The following RBMS3 variants were observed in gnomAD, a reference collection of about 807,000 sequenced individuals.
The protein encoded by RBMS3 is RNA binding motif single stranded interacting protein 3, also known as RNA-binding motif, single-stranded-interacting protein 3.
Under a neutral mutation model 66.8 loss-of-function variants are expected in RBMS3, and 27 were observed. The observed-to-expected ratio is 0.40, with a 90% CI of 0.30 to 0.56. The LOEUF (loss-of-function observed/expected upper bound fraction) is 0.56, where lower values mean the gene tolerates loss of function less well. RBMS3 is among the 20% of genes least tolerant of loss of function. The pLI, the probability that RBMS3 is intolerant of heterozygous loss-of-function variation, is 0.40. For synonymous variants in RBMS3, 188 were observed against 183.0 expected, an observed-to-expected ratio of 1.03 and a Z score of -0.22; for missense variants, 513 against 549.5, an observed-to-expected ratio of 0.93 and a Z score of 0.66.
chr3:29,382,802 T>C (rs2038825779), intron 1 of RBMS3, among the ~76,000 whole-genome samples: 1 of 152,078 alleles, frequency 6.6e-6, no homozygotes. Flanking sequence ...AGTTTTAATA[T>C]AGAATCCAGA....
chr3:29,408,113 A>C (rs1274493264), intron 1 of RBMS3, among the ~76,000 whole-genome samples: 2 of 151,580 alleles, frequency 1.3e-5, no homozygotes, highest in African/African-American at 4.8e-5. Flanking sequence ...TCTACTAAAA[A>C]TACAAAAAAT....
intron 4 of RBMS3, among the ~76,000 whole-genome samples, chr3:29,691,311 T>G (rs1423534773): frequency 1.3e-5 from 2 of 152,208 alleles, no homozygotes; most frequent in Admixed American, 6.5e-5. Flanking sequence ...ATTGACTAAA[T>G]AATTATGGGT....
chr3:29,594,974 C>T (rs1045787884), intron 4 of RBMS3, among the ~76,000 whole-genome samples: 9 of 152,182 alleles, frequency 5.9e-5, no homozygotes, highest in Non-Finnish European at 1.0e-4. Context: ...AAATTCTCTG[C>T]TTTCCTAGCA....
At chr3:29,982,011 C>T (rs1443424935) in intron 12 of RBMS3, among the ~76,000 whole-genome samples, 2 of 152,174 alleles carry the variant, frequency 1.3e-5, no homozygotes, top group South Asian at 2.1e-4. Flanking sequence ...ACCAGCTCCT[C>T]TTTGTACCTC....
intron 2 of RBMS3, among the ~76,000 whole-genome samples, chr3:29,443,267 G>A (rs374866610): frequency 5.9e-5 from 9 of 151,986 alleles, no homozygotes; most frequent in African/African-American, 9.7e-5. Flanking sequence ...CCAATAGCTC[G>A]TCTGCTTCAG....
At chr3:29,903,126 T>C (rs1328939751) in intron 10 of RBMS3, 1 of 151,888 alleles carries the variant, frequency 6.6e-6, no homozygotes, top group Non-Finnish European at 1.5e-5. Context: ...TGCTTGTAGA[T>C]TTAGAAAAAA....
intron 3 of RBMS3, among the ~76,000 whole-genome samples, chr3:29,524,706 A>C (rs920278467): frequency 6.6e-6 from 1 of 151,838 alleles, no homozygotes; most frequent in Non-Finnish European, 1.5e-5. Context: ...GGCCTCACAA[A>C]GTGCTGGGAT....
chr3:29,416,484 A>C (rs1430779656), intron 1 of RBMS3, among the ~76,000 whole-genome samples: 2 of 152,192 alleles, frequency 1.3e-5, no homozygotes, highest in African/African-American at 4.8e-5. Context: ...TGTAAAAGAA[A>C]TGCATTTTAA....
In RBMS3 at chr3:29,494,102, C is replaced by T. The variant is rs558224554; in HGVS notation, c.307+5603C>T. ...ATTCAATTCTTCATTAGCTGTTACA[C>T]GTACAGCATATTGTGTGTAAGTTAG... On this transcript the variant is annotated intron_variant, in intron 3 of 14. Transcript: ENST00000383767. Among the ~76,000 whole-genome samples the T allele has an allele frequency of 1.3e-4, 20 of 152,244 alleles. No homozygotes were observed. The East Asian group carries it at 1.7e-3, about 13-fold the overall frequency.
At chr3:29,580,550 A>C (rs1377609548) in intron 3 of RBMS3, among the ~76,000 whole-genome samples, 3 of 152,026 alleles carry the variant, frequency 2.0e-5, no homozygotes, top group Non-Finnish European at 4.4e-5. Context: ...ACTCCACTGC[A>C]TTTAAATTTA....
At chr3:29,982,754 T>C (rs1053620178) in intron 12 of RBMS3, among the ~76,000 whole-genome samples, 6 of 152,234 alleles carry the variant, frequency 3.9e-5, no homozygotes, top group Non-Finnish European at 5.9e-5. Context: ...GAGTTCTAAT[T>C]TGATTGCACT....
At chr3:29,599,901 G>A (rs1007669454) in intron 4 of RBMS3, among the ~76,000 whole-genome samples, 1 of 151,560 alleles carries the variant, frequency 6.6e-6, no homozygotes, top group African/African-American at 2.4e-5. Flanking sequence ...CCCAAATCAG[G>A]AAATATACTA....
At chr3:29,793,049 C>T (rs998894709) in intron 6 of RBMS3, among the ~76,000 whole-genome samples, 6 of 151,950 alleles carry the variant, frequency 3.9e-5, no homozygotes, top group African/African-American at 1.5e-4. Flanking sequence ...AGCAGTCTGG[C>T]CAATGTGGTG....
intron 1 of RBMS3, among the ~76,000 whole-genome samples, chr3:29,340,114 A>T (rs537884565): frequency 6.6e-6 from 1 of 152,188 alleles, no homozygotes; most frequent in South Asian, 2.1e-4. Flanking sequence ...ACATATAGGA[A>T]GATATTTTGA....
intron 4 of RBMS3, among the ~76,000 whole-genome samples, chr3:29,595,963 C>T (rs567491457): frequency 1.3e-5 from 2 of 152,258 alleles, no homozygotes; most frequent in Admixed American, 6.5e-5. Context: ...CAATGAGCCA[C>T]GCTTGCTGAG....
intron 4 of RBMS3, among the ~76,000 whole-genome samples, chr3:29,629,032 G>A (rs1342502994): frequency 6.6e-6 from 1 of 152,042 alleles, no homozygotes; most frequent in East Asian, 1.9e-4. Flanking sequence ...CATTCTTGAT[G>A]TTTTGAAGTG....
chr3:29,436,293 AAAATAC>A (rs1212835550), intron 2 of RBMS3, among the ~76,000 whole-genome samples: 2 of 152,226 alleles, frequency 1.3e-5, no homozygotes, highest in Non-Finnish European at 2.9e-5. Flanking sequence ...CAGATAAACC[AAAATAC>A]AAATACATAA....
Position 29,938,246 on chromosome 3 carries a change from A to G in RBMS3, c.1050+2050A>G, listed in dbSNP as rs562274115. On this transcript the variant is annotated intron_variant, in intron 11 of 14. Transcript: ENST00000383767. ...TTTTGTATTTGAGCATTCCAACAAG[A>G]ACACATTTGTAAGGGACCATGACTT... is the stretch of plus-strand genomic sequence containing the variant. 5.3e-5 allele frequency among the ~76,000 whole-genome samples: 8 copies of G among 152,080 alleles called. No individual in the cohort carries two copies. In the South Asian group the frequency reaches 1.4e-3, roughly 28 times the overall value.
chr3:29,506,979 G>A (rs1409290572), intron 3 of RBMS3, among the ~76,000 whole-genome samples: 2 of 148,070 alleles, frequency 1.4e-5, no homozygotes, highest in Non-Finnish European at 3.0e-5. Context: ...GTTCTTTGTT[G>A]GTCTAGCTAA....
Sources: gnomAD v4.1 joint callset for allele counts (sites outside exome capture counted in the v4.1 genomes callset) on GRCh38, gnomAD v4.1.1 for gene constraint, MANE v1.5 for transcripts, NCBI Gene and HGNC (gene_info 2026-07-23, HGNC 2026-07-21) for gene names.